PDE10A: variants seen among roughly 807,000 people sequenced by gnomAD.
The protein encoded by PDE10A is cAMP and cAMP-inhibited cGMP 3',5'-cyclic phosphodiesterase 10A.
Under a neutral mutation model 97.7 loss-of-function variants are expected in PDE10A, and 39 were observed. That is an observed-to-expected ratio of 0.40 (90% CI 0.31 to 0.52). The LOEUF (loss-of-function observed/expected upper bound fraction) is 0.52. PDE10A is among the 20% of genes least tolerant of loss of function. The pLI is 0.56. For missense variants in PDE10A, 731 were observed against 1,047.8 expected (o/e 0.70, Z 4.17); for synonymous variants, 371 against 376.8 (o/e 0.98, Z 0.18).
At chr6:165,942,574 C>T (rs1238497279) in intron 1 of PDE10A, among the ~76,000 whole-genome samples, 1 of 152,108 alleles carries the variant, frequency 6.6e-6, no homozygotes, top group Non-Finnish European at 1.5e-5. Context: ...CCGCTCTGCC[C>T]CCGCTCTGCC....
At chr6:165,540,382 T>C (rs1170334513) in intron 2 of PDE10A, among the ~76,000 whole-genome samples, 1 of 152,236 alleles carries the variant, frequency 6.6e-6, no homozygotes, top group African/African-American at 2.4e-5. Context: ...TACATATTTA[T>C]GGGGTACAGT....
chr6:165,763,650 C>T (rs1793305217), intron 1 of PDE10A, among the ~76,000 whole-genome samples: 2 of 152,206 alleles, frequency 1.3e-5, no homozygotes. Context: ...TATTTTATTT[C>T]ACTTGTCCTT....
intron 10 of PDE10A, among the ~76,000 whole-genome samples, chr6:165,420,341 C>CA (rs536669936): frequency 3.4e-4 from 52 of 151,882 alleles, no homozygotes; most frequent in African/African-American, 1.2e-3. Context: ...TGGCCCTTTA[C>CA]AAAAAAAAGT....
rs576473563 is a variant in PDE10A, at chr6:165,329,588, T to A, written c.*3437A>T. ...ACCCAGGTATCTAAGGATTTATGCATCTATTTATATCCTGTACAATACAGG... is the reference window on the plus strand; with the variant it reads ...ACCCAGGTATCTAAGGATTTATGCAACTATTTATATCCTGTACAATACAGG... On this transcript the variant is annotated 3_prime_UTR_variant, in exon 22 of 22. Coordinates refer to ENST00000539869, the MANE Select transcript of PDE10A (RefSeq NM_001385079.1). 2 of 152,314 alleles carry A rather than the reference T, an allele frequency of 1.3e-5. No homozygotes were observed. The highest frequency in any genetic ancestry group is 3.9e-4 in the East Asian group (2 of 5,182). 9.4% of individuals were successfully genotyped at this position (152,314 alleles called of 1,614,324 possible).
chr6:165,875,861 GAA>G (rs1781332451), intron 1 of PDE10A, among the ~76,000 whole-genome samples: 1 of 151,720 alleles, frequency 6.6e-6, no homozygotes, highest in Non-Finnish European at 1.5e-5. Context: ...TGACTTTGGA[GAA>G]ATTAATTGTT....
At chr6:165,921,065 G>T (rs556487363) in intron 1 of PDE10A, among the ~76,000 whole-genome samples, 8 of 152,308 alleles carry the variant, frequency 5.3e-5, no homozygotes, top group African/African-American at 1.4e-4. Context: ...AGCTGGTTGA[G>T]GGATGGAAGG....
intron 1 of PDE10A, among the ~76,000 whole-genome samples, chr6:165,919,302 C>T (rs1005003517): frequency 2.0e-5 from 3 of 152,122 alleles, no homozygotes; most frequent in African/African-American, 7.2e-5. Flanking sequence ...CCTCACTGGG[C>T]CCACCACATG....
At chr6:165,441,261 T>C (rs138377038) in intron 5 of PDE10A, among the ~76,000 whole-genome samples, 1 of 152,324 alleles carries the variant, frequency 6.6e-6, no homozygotes, top group East Asian at 1.9e-4. Flanking sequence ...TCACAGAGCC[T>C]TTGAGCTCCT....
At chr6:165,645,179 A>C (rs1176754435) in intron 1 of PDE10A, among the ~76,000 whole-genome samples, 1 of 152,128 alleles carries the variant, frequency 6.6e-6, no homozygotes, top group African/African-American at 2.4e-5. Flanking sequence ...GGGCCAGGAG[A>C]GCCCACTCGA....
chr6:165,962,353 C>T (rs771047993), intron 1 of PDE10A, among the ~76,000 whole-genome samples: 4 of 152,202 alleles, frequency 2.6e-5, no homozygotes, highest in East Asian at 1.9e-4. Context: ...TGAGTGGCTC[C>T]GGGGCTGGTC....
chr6:165,574,841 C>T (rs1785223539), intron 1 of PDE10A, among the ~76,000 whole-genome samples: 1 of 152,108 alleles, frequency 6.6e-6, no homozygotes, highest in African/African-American at 2.4e-5. Context: ...TTTATTATTC[C>T]CTCAAGCTTA....
chr6:165,573,011 A>G (rs1275046345), intron 1 of PDE10A, among the ~76,000 whole-genome samples: 1 of 152,158 alleles, frequency 6.6e-6, no homozygotes, highest in Non-Finnish European at 1.5e-5. Context: ...CACTAATCTG[A>G]GCTAATCTCA....
intron 21 of PDE10A, among the ~76,000 whole-genome samples, chr6:165,334,805 A>G (rs1033578500): frequency 1.3e-5 from 2 of 152,132 alleles, no homozygotes; most frequent in Admixed American, 6.5e-5. Context: ...CAGGAGCAGG[A>G]AGGAAGGAGA....
At chr6:165,497,729 T>G (rs1780621775) in intron 2 of PDE10A, among the ~76,000 whole-genome samples, 1 of 152,164 alleles carries the variant, frequency 6.6e-6, no homozygotes, top group Non-Finnish European at 1.5e-5. Flanking sequence ...AGATTCACCG[T>G]CAGAAACCTG....
chr6:165,973,284 T>C (rs1784746454), intron 1 of PDE10A, among the ~76,000 whole-genome samples: 1 of 152,000 alleles, frequency 6.6e-6, no homozygotes, highest in Non-Finnish European at 1.5e-5. Flanking sequence ...CCAGGCATGG[T>C]GGCAGGTGCC....
chr6:165,367,661 GA>G (rs11343819), intron 18 of PDE10A, among the ~76,000 whole-genome samples: 69,760 of 146,054 alleles, frequency 0.48, 17,135 homozygotes, highest in African/African-American at 0.64. Flanking sequence ...TCAGGAGGGG[GA>G]AAAAAAAAAA....
At chr6:165,894,910 T>C (rs1398190533) in intron 1 of PDE10A, among the ~76,000 whole-genome samples, 4 of 152,238 alleles carry the variant, frequency 2.6e-5, no homozygotes, top group Non-Finnish European at 4.4e-5. Flanking sequence ...CCCATGGAGC[T>C]TTAAATATTT....
intron 1 of PDE10A, among the ~76,000 whole-genome samples, chr6:165,906,025 CTTCCTTCCTTCCT>C (rs1782263404): frequency 1.2e-4 from 1 of 8,206 alleles, no homozygotes. Context: ...CCCTCCCTCC[CTTCCTTCCTTCCT>C]TCCTTCCTTC....
chr6:165,486,255 C>T (rs1779911841), intron 2 of PDE10A, among the ~76,000 whole-genome samples: 2 of 152,144 alleles, frequency 1.3e-5, no homozygotes, highest in South Asian at 4.1e-4. Flanking sequence ...TGCCAACGAA[C>T]ACCACAGCTG....
Sources: gnomAD v4.1 joint callset for allele counts (sites outside exome capture counted in the v4.1 genomes callset) on GRCh38, gnomAD v4.1.1 for gene constraint, MANE v1.5 for transcripts, NCBI Gene and HGNC (gene_info 2026-07-23, HGNC 2026-07-21) for gene names.